The following PTCHD1 variants were observed in gnomAD, a reference collection of about 807,000 sequenced individuals.
PTCHD1 encodes patched domain-containing protein 1.
PTCHD1 carries 3 observed loss-of-function variants against 34.6 expected under a neutral mutation model. The observed-to-expected ratio is 0.09, with a 90% CI of 0.04 to 0.22. PTCHD1 has a LOEUF of 0.22. PTCHD1 is among the 10% of genes least tolerant of loss of function. The probability of loss-of-function intolerance (pLI) is 1.00; values close to 1 mark genes in which losing one functional copy is unlikely to be tolerated. For missense variants in PTCHD1, 504 were observed against 685.5 expected (o/e 0.74, Z 2.96); for synonymous variants, 305 against 283.1 (o/e 1.08, Z -0.77).
At chrX:23,360,306 A>T (rs1247163645) in intron 1 of PTCHD1, among the ~76,000 whole-genome samples, 2 of 111,312 alleles carry the variant, frequency 1.8e-5, no homozygotes, top group African/African-American at 3.3e-5. Flanking sequence ...TAGGCTATTA[A>T]TTATTGCCTC....
intron 1 of PTCHD1, among the ~76,000 whole-genome samples, chrX:23,353,556 T>TC (rs1921709355): frequency 9.1e-6 from 1 of 109,877 alleles, no homozygotes; most frequent in Admixed American, 9.9e-5. Flanking sequence ...GCCACTGCAC[T>TC]CCAGCCTGGG....
At chrX:23,354,234 G>A (rs1230548545) in intron 1 of PTCHD1, among the ~76,000 whole-genome samples, 1 of 110,807 alleles carries the variant, frequency 9.0e-6, no homozygotes, top group Non-Finnish European at 1.9e-5. Flanking sequence ...GATACAGCCT[G>A]GAAAAATTAG....
chrX:23,379,456 C>T, intron 1 of PTCHD1, 135 bp from the exon 2 acceptor site: 2 of 645,133 alleles, frequency 3.1e-6, no homozygotes, highest in Non-Finnish European at 2.3e-6. Flanking sequence ...TTTCACATTC[C>T]TACTACCTAT....
In PTCHD1 at chrX:23,398,507, T is replaced by G. The variant is rs1923046387; in HGVS notation, c.*4322T>G. The G allele has an allele frequency of 9.0e-6, 1 of 111,661 alleles. No individual in the cohort carries two copies. Among genetic ancestry groups the G allele is most frequent in the South Asian group, 3.8e-4 (1 of 2,612 alleles). The allele number at this position is 111,661 out of a possible 1,213,427, so 9.2% of individuals were successfully genotyped here. A position where few individuals can be genotyped will look rare whatever the true frequency, so the allele number is the denominator to read the frequency against. On this transcript the variant is annotated 3_prime_UTR_variant, in exon 3 of 3. Coordinates refer to ENST00000379361, the MANE Select transcript of PTCHD1 (RefSeq NM_173495.3). ...GACACCACTGATTACTGAATAACTG[T>G]GGCTGGCTTGTCTGAGGGAATGTAA...
At chrX:23,342,283 TATATATATATATATATATATATATA>T (rs1921338382) in intron 1 of PTCHD1, among the ~76,000 whole-genome samples, 3 of 9,381 alleles carry the variant, frequency 3.2e-4, no homozygotes, top group Non-Finnish European at 6.4e-4. Flanking sequence ...TATATATATA[TATATATATATATATATATATATATA>T]TATTTTTTTT....
At chrX:23,381,798 A>C (rs758598507) in intron 2 of PTCHD1, among the ~76,000 whole-genome samples, 1 of 112,149 alleles carries the variant, frequency 8.9e-6, no homozygotes, top group Non-Finnish European at 1.9e-5. Flanking sequence ...AATTCGGTCT[A>C]TTAAGAAAGC....
chrX:23,355,176 C>A (rs934261508), intron 1 of PTCHD1, among the ~76,000 whole-genome samples: 1 of 110,726 alleles, frequency 9.0e-6, no homozygotes, highest in Non-Finnish European at 1.9e-5. Flanking sequence ...CGAGATTCCA[C>A]GGAAGGTGTC....
chrX:23,344,335 T>TA (rs1385420429), intron 1 of PTCHD1, among the ~76,000 whole-genome samples: 1 of 112,316 alleles, frequency 8.9e-6, no homozygotes, highest in Non-Finnish European at 1.9e-5. Context: ...TAGAATGAGA[T>TA]AAAGTATGTG....
intron 2 of PTCHD1, among the ~76,000 whole-genome samples, chrX:23,391,647 T>G (rs186542735): frequency 1.1e-3 from 124 of 111,095 alleles, no homozygotes; most frequent in African/African-American, 4.0e-3. Context: ...GTTGGCAAAT[T>G]TTAAATGAGG....
intron 2 of PTCHD1, among the ~76,000 whole-genome samples, 183 bp from the exon 3 acceptor site, chrX:23,392,348 T>C (rs12839198): frequency 5.4e-5 from 6 of 111,171 alleles, no homozygotes; most frequent in Non-Finnish European, 1.1e-4. Flanking sequence ...TCCATTAACA[T>C]TTACGATTCA....
At chrX:23,373,415 G>C (rs1922326364) in intron 1 of PTCHD1, among the ~76,000 whole-genome samples, 2 of 113,076 alleles carry the variant, frequency 1.8e-5, no homozygotes, top group South Asian at 7.2e-4. Flanking sequence ...CACATGTGCA[G>C]AGGAAGTGTG....
At chrX:23,387,359 C>T (rs1185064533) in intron 2 of PTCHD1, among the ~76,000 whole-genome samples, 1 of 111,078 alleles carries the variant, frequency 9.0e-6, no homozygotes, top group Non-Finnish European at 1.9e-5. Flanking sequence ...GCTTGATAGT[C>T]ACCCTCAGTG....
chrX:23,388,062 A>G lies in PTCHD1; in HGVS notation c.1013-4469A>G, dbSNP rs147096726. ...GGAGGTTCCTGATATCCTCACTGTG[A>G]TATATAGTCTTTTTACCCCAAGGTC... On this transcript the variant is annotated intron_variant, in intron 2 of 2. Transcript: ENST00000379361. Among the ~76,000 whole-genome samples, 419 of 110,568 alleles carry G rather than the reference A, an allele frequency of 3.8e-3. 4 individuals carry two copies. The highest frequency in any genetic ancestry group is 0.012 in the African/African-American group (375 of 30,285).
intron 1 of PTCHD1, chrX:23,351,430 A>G: frequency 1.8e-6 from 1 of 558,352 alleles, no homozygotes; most frequent in East Asian, 3.4e-5. Context: ...ACTAGCACAG[A>G]ACCCTCTCTT....
At chrX:23,388,826 G>A (rs776287103) in intron 2 of PTCHD1, among the ~76,000 whole-genome samples, 27 of 107,209 alleles carry the variant, frequency 2.5e-4, no homozygotes, top group Admixed American at 1.5e-3. Flanking sequence ...GTGAGACTCC[G>A]TCTCGAAAAA....
chrX:23,393,180 T>C lies in PTCHD1; in HGVS notation c.1662T>C (p.Pro554=), dbSNP rs752799765. The C allele has an allele frequency of 8.3e-7, 1 of 1,211,420 alleles. No individual in the cohort carries two copies. Among genetic ancestry groups the C allele is most frequent in the South Asian group, 1.8e-5 (1 of 56,964 alleles). The stretch of plus-strand genomic sequence containing the variant: ...AAAAGTACTTCAGCAACTACAGTCC[T>C]GTGATTGGGTTTTACATATATGAGT... ...AQQKYFSNYS[P]VIGFYIYESI... is the part of the protein sequence containing the mutation. The change falls in exon 3 of 3, where the codon CCT becomes CCC. Residue 554 remains proline, a synonymous_variant. Coordinates refer to ENST00000379361, the MANE Select transcript of PTCHD1 (RefSeq NM_173495.3).
chrX:23,370,233 A>G (rs749034458), intron 1 of PTCHD1, among the ~76,000 whole-genome samples: 1 of 112,032 alleles, frequency 8.9e-6, no homozygotes, highest in East Asian at 2.8e-4. Flanking sequence ...ATAATAGCTT[A>G]GTGTCCAGGA....
At chrX:23,390,341 A>C (rs769170457) in intron 2 of PTCHD1, among the ~76,000 whole-genome samples, 7 of 109,440 alleles carry the variant, frequency 6.4e-5, no homozygotes, top group East Asian at 5.6e-4. Flanking sequence ...AAAAAAAAAA[A>C]AAAACAAAAA....
intron 1 of PTCHD1, among the ~76,000 whole-genome samples, chrX:23,354,035 C>T: frequency 9.0e-6 from 1 of 111,539 alleles, no homozygotes; most frequent in East Asian, 2.8e-4. Flanking sequence ...CCAAGAGATT[C>T]TGATTTAATG....
Sources: gnomAD v4.1 joint callset for allele counts (sites outside exome capture counted in the v4.1 genomes callset) on GRCh38, gnomAD v4.1.1 for gene constraint, MANE v1.5 for transcripts, NCBI Gene and HGNC (gene_info 2026-07-23, HGNC 2026-07-21) for gene names.